Variants in BRD10 observed in about 807,000 individuals in gnomAD.
BRD10 encodes the protein uncharacterized bromodomain-containing protein 10.
At chr9:5,960,556 C>T in the BRD10 span, among the ~76,000 whole-genome samples, 1 of 112,554 alleles carries the variant, frequency 8.9e-6, no homozygotes, top group East Asian at 2.2e-4. Flanking sequence ...GAGTGAGACT[C>T]TGTCTCAAAA....
At chr9:5,954,078 T>C in the BRD10 span, 4 of 1,550,582 alleles carry the variant, frequency 2.6e-6, no homozygotes, top group Middle Eastern at 1.7e-4. Flanking sequence ...ATTGCTTTTT[T>C]AGAGACGGAT....
chr9:5,953,504 TTC>T, the BRD10 span, among the ~76,000 whole-genome samples: 1 of 152,090 alleles, frequency 6.6e-6, no homozygotes, highest in Non-Finnish European at 1.5e-5. Context: ...TTACTTAATA[TTC>T]TCTCTGAAGA....
chr9:5,904,954 T>C, the BRD10 span, among the ~76,000 whole-genome samples: 2,468 of 152,080 alleles, frequency 0.016, 81 homozygotes, highest in African/African-American at 0.056. Flanking sequence ...TTTGTATTTA[T>C]AGTAGAGATG....
At chr9:5,922,050 G>A in the BRD10 span, 1 of 1,613,994 alleles carries the variant, frequency 6.2e-7, no homozygotes, top group Non-Finnish European at 8.5e-7. Context: ...TGCAGCTGAG[G>A]AGCAAAAGTG....
At chr9:5,956,432 C>T in the BRD10 span, among the ~76,000 whole-genome samples, 1 of 152,130 alleles carries the variant, frequency 6.6e-6, no homozygotes, top group Non-Finnish European at 1.5e-5. Context: ...CAACCACCTA[C>T]TATTATAGAG....
At chr9:5,960,284 G>A in the BRD10 span, among the ~76,000 whole-genome samples, 45 of 152,206 alleles carry the variant, frequency 3.0e-4, no homozygotes, top group African/African-American at 8.7e-4. Context: ...ACTACTGGCC[G>A]GGCGTGCTGC....
At chr9:5,988,633 C>T in the BRD10 span, 1 of 918,840 alleles carries the variant, frequency 1.1e-6, no homozygotes, top group Non-Finnish European at 1.7e-6. Flanking sequence ...ATCCCTTTTG[C>T]TAAATACATA....
chr9:5,978,604 G>C, the BRD10 span, among the ~76,000 whole-genome samples: 1 of 152,130 alleles, frequency 6.6e-6, no homozygotes, highest in Non-Finnish European at 1.5e-5. Context: ...AGCTGAAGCA[G>C]AAAAGGAATT....
At chr9:6,007,421 C>T in the BRD10 span, 8 of 1,606,966 alleles carry the variant, frequency 5.0e-6, no homozygotes, top group African/African-American at 5.4e-5. Flanking sequence ...CCGCCCCGGC[C>T]CCCGCTGCGC....
At chr9:5,925,083 G>A in the BRD10 span, among the ~76,000 whole-genome samples, 1 of 152,238 alleles carries the variant, frequency 6.6e-6, no homozygotes, top group South Asian at 2.1e-4. Context: ...ATCTGGCCAG[G>A]CATGGTGGCT....
the BRD10 span, among the ~76,000 whole-genome samples, chr9:5,974,320 T>C: frequency 6.6e-6 from 1 of 152,194 alleles, no homozygotes; most frequent in Non-Finnish European, 1.5e-5. Context: ...AAAGTCATTT[T>C]CAATTAGACT....
the BRD10 span, among the ~76,000 whole-genome samples, chr9:5,996,447 T>G: frequency 6.6e-6 from 1 of 152,136 alleles, no homozygotes; most frequent in African/African-American, 2.4e-5. Context: ...GTCTCCCAAG[T>G]AGCTAAGATT....
At chr9:5,923,828 A>G in the BRD10 span, among the ~76,000 whole-genome samples, 1 of 152,246 alleles carries the variant, frequency 6.6e-6, no homozygotes, top group Non-Finnish European at 1.5e-5. Flanking sequence ...AACTAGGTTT[A>G]TAAGACATTA....
chr9:5,931,039 A>C, the BRD10 span, among the ~76,000 whole-genome samples: 2 of 152,260 alleles, frequency 1.3e-5, no homozygotes, highest in East Asian at 3.8e-4. Context: ...GAAAGAGGAA[A>C]GATATGATAG....
At chr9:5,951,740 G>C in the BRD10 span, among the ~76,000 whole-genome samples, 4 of 152,106 alleles carry the variant, frequency 2.6e-5, no homozygotes, top group African/African-American at 9.7e-5. Context: ...ACAAAACTAA[G>C]TTTTGCATTT....
At chr9:5,902,414 T>C in the BRD10 span, among the ~76,000 whole-genome samples, 2 of 152,302 alleles carry the variant, frequency 1.3e-5, no homozygotes, top group Non-Finnish European at 2.9e-5. Flanking sequence ...TTTCCCAGAA[T>C]CAGCATTTGG....
chr9:5,908,708 A>G, the BRD10 span: 1 of 1,613,224 alleles, frequency 6.2e-7, no homozygotes, highest in Non-Finnish European at 8.5e-7. Context: ...ATTCACCTTA[A>G]GAGCCAGCGA....
At chr9:5,985,323 C>T in the BRD10 span, among the ~76,000 whole-genome samples, 1 of 152,024 alleles carries the variant, frequency 6.6e-6, no homozygotes, top group Non-Finnish European at 1.5e-5. Flanking sequence ...TTTCCATAAC[C>T]TTGGGTACGC....
the BRD10 span, chr9:5,897,662 A>C: frequency 6.2e-7 from 1 of 1,608,658 alleles, no homozygotes; most frequent in Non-Finnish European, 8.5e-7. Context: ...TGGTTGGTAA[A>C]GTTCCCACTG....
Sources: allele counts gnomAD v4.1 joint callset (sites outside exome capture counted in the v4.1 genomes callset), GRCh38; gene constraint gnomAD v4.1.1; transcripts MANE v1.5; gene names NCBI Gene and HGNC (gene_info 2026-07-23, HGNC 2026-07-21).